The following STEAP3 variants were observed in gnomAD, a reference collection of about 807,000 sequenced individuals.
The protein encoded by STEAP3 is STEAP3 metalloreductase, also known as metalloreductase STEAP3.
In STEAP3, 35 loss-of-function variants were observed where a neutral mutation model predicts 34.9. The observed-to-expected ratio is 1.00, with a 90% confidence interval of 0.76 to 1.33. STEAP3 has a LOEUF of 1.33. STEAP3 is among the 40% of genes most tolerant of loss of function. The probability of loss-of-function intolerance (pLI) is 0.00; values close to 1 mark genes in which losing one functional copy is unlikely to be tolerated. For synonymous variants in STEAP3, 281 were observed against 301.6 expected, an observed-to-expected ratio of 0.93 and a Z score of 0.71; for missense variants, 652 against 667.6, an observed-to-expected ratio of 0.98 and a Z score of 0.26.
At chr2:119,225,082 C>T (rs965867198) in intron 1 of STEAP3, among the ~76,000 whole-genome samples, 2 of 152,204 alleles carry the variant, frequency 1.3e-5, no homozygotes, top group African/African-American at 4.8e-5. Context: ...AGAAGGTCCA[C>T]AAAACCAAAG....
At position 119,243,581 on chromosome 2, in the gene STEAP3, G is replaced by T. The variant is rs74784440; in HGVS notation, c.23-1908G>T. On this transcript the variant is annotated intron_variant, in intron 2 of 5. Transcript: ENST00000393110. ...CCAGAGGCCCATCACCCGAGGAAAG[G>T]CCTGACAGCAGCAATGGGTGTATGG... 5.6e-3 allele frequency among the ~76,000 whole-genome samples: 857 copies of T among 152,322 alleles called. 6 individuals carry two copies. The highest frequency in any genetic ancestry group is 0.019 in the African/African-American group (782 of 41,560).
intron 2 of STEAP3, among the ~76,000 whole-genome samples, chr2:119,231,864 G>T (rs1398519371): frequency 6.6e-6 from 1 of 152,160 alleles, no homozygotes; most frequent in East Asian, 1.9e-4. Context: ...GATGTGTGTG[G>T]CTATAAGTGA....
At chr2:119,239,004 A>G (rs765577703) in intron 2 of STEAP3, among the ~76,000 whole-genome samples, 7 of 152,114 alleles carry the variant, frequency 4.6e-5, no homozygotes, top group Non-Finnish European at 8.8e-5. Context: ...GCACATGAGA[A>G]AAAGACCACA....
At chr2:119,243,923 ACG>A (rs1677327137) in intron 2 of STEAP3, among the ~76,000 whole-genome samples, 1 of 152,162 alleles carries the variant, frequency 6.6e-6, no homozygotes, top group Non-Finnish European at 1.5e-5. Context: ...GAAGAGGCAG[ACG>A]CCCATGGAGG....
chr2:119,239,320 T>C (rs1413941239), intron 2 of STEAP3: 1 of 152,712 alleles, frequency 6.5e-6, no homozygotes, highest in Non-Finnish European at 1.5e-5. Context: ...CAGGCTGGAG[T>C]GCAGTGGCGC....
chr2:119,257,537 T>A, intron 5 of STEAP3: 1 of 1,544,496 alleles, frequency 6.5e-7, no homozygotes, highest in South Asian at 1.2e-5. Flanking sequence ...CCCACTTACC[T>A]GCCCCGCATC....
intron 5 of STEAP3, among the ~76,000 whole-genome samples, chr2:119,256,047 C>T (rs2104841754): frequency 6.6e-6 from 1 of 152,354 alleles, no homozygotes; most frequent in Admixed American, 6.5e-5. Flanking sequence ...CTGACTAATG[C>T]TGTATCCTGC....
intron 4 of STEAP3, among the ~76,000 whole-genome samples, chr2:119,249,788 A>G (rs534548472): frequency 6.6e-6 from 1 of 152,222 alleles, no homozygotes; most frequent in African/African-American, 2.4e-5. Context: ...AGATACCGGC[A>G]TCATTGCATC....
intron 2 of STEAP3, among the ~76,000 whole-genome samples, chr2:119,235,218 A>G (rs1317544204): frequency 1.3e-5 from 2 of 152,192 alleles, no homozygotes; most frequent in African/African-American, 4.8e-5. Context: ...ACAATGCCAC[A>G]ATGACTCTGA....
chr2:119,233,368 C>T (rs1677001601), intron 2 of STEAP3, among the ~76,000 whole-genome samples: 1 of 152,158 alleles, frequency 6.6e-6, no homozygotes, highest in African/African-American at 2.4e-5. Context: ...TGCATAAGTC[C>T]TCAGTGTTAC....
chr2:119,246,125 A>T, intron 3 of STEAP3, 137 bp downstream of exon 3: 1 of 1,226,344 alleles, frequency 8.2e-7, no homozygotes, highest in Non-Finnish European at 1.1e-6. Context: ...TTTACAGAAC[A>T]GGAAATTGTG....
chr2:119,238,608 C>G (rs956430968), intron 2 of STEAP3, among the ~76,000 whole-genome samples: 4 of 152,174 alleles, frequency 2.6e-5, no homozygotes, highest in African/African-American at 9.7e-5. Flanking sequence ...ATGCTGTGCT[C>G]TTTCGATTTC....
At chr2:119,248,234 T>C (rs1281241250) in intron 4 of STEAP3, 28 bp downstream of exon 4, 1 of 1,545,344 alleles carries the variant, frequency 6.5e-7, no homozygotes. Context: ...TTCCTCCCTC[T>C]GGCAACTCAG....
intron 2 of STEAP3, among the ~76,000 whole-genome samples, chr2:119,236,481 G>A (rs1349392751): frequency 6.6e-6 from 1 of 152,144 alleles, no homozygotes; most frequent in Non-Finnish European, 1.5e-5. Flanking sequence ...AATCCAGAGT[G>A]TTCTAACGTT....
chr2:119,227,527 C>T (rs969866447), intron 1 of STEAP3, among the ~76,000 whole-genome samples: 7 of 152,294 alleles, frequency 4.6e-5, no homozygotes, highest in South Asian at 4.1e-4. Flanking sequence ...CTGATTGTTC[C>T]GCAATCAGGC....
At chr2:119,248,356 C>T (rs911767218) in intron 4 of STEAP3, 150 bp downstream of exon 4, 4 of 848,350 alleles carry the variant, frequency 4.7e-6, no homozygotes, top group Admixed American at 3.0e-5. Context: ...GCAGCACCCA[C>T]ATCCTCCTGC....
intron 2 of STEAP3, chr2:119,244,824 G>A (rs1447663486): frequency 6.6e-6 from 1 of 152,272 alleles, no homozygotes; most frequent in Non-Finnish European, 1.5e-5. Flanking sequence ...TATCTTAGGG[G>A]CCCATTCACT....
intron 2 of STEAP3, 58 bp from the exon 3 acceptor site, chr2:119,245,431 T>G (rs1308214224): frequency 6.6e-7 from 1 of 1,518,572 alleles, no homozygotes; most frequent in Non-Finnish European, 8.8e-7. Flanking sequence ...AGGAGGGAGG[T>G]GGCAGAAGGG....
In STEAP3 at chr2:119,263,339, G is replaced by A. The variant is rs1678005535; in HGVS notation, c.*1G>A. On this transcript the variant is annotated 3_prime_UTR_variant, in exon 6 of 6. Transcript: ENST00000393110. Reference sequence around the variant, plus strand: ...GGCCGAGAAGACGAGCCACGTATGAGGTGCCTGCCCTGGGCTCTGGACCCC... The same window carrying A: ...GGCCGAGAAGACGAGCCACGTATGAAGTGCCTGCCCTGGGCTCTGGACCCC... The A allele has an allele frequency of 1.2e-6, 2 of 1,611,604 alleles. No individual in the cohort carries two copies. The highest frequency in any genetic ancestry group is 1.3e-5 in the African/African-American group (1 of 74,836).
Sources: allele counts gnomAD v4.1 joint callset (sites outside exome capture counted in the v4.1 genomes callset), GRCh38; gene constraint gnomAD v4.1.1; transcripts MANE v1.5; gene names NCBI Gene and HGNC (gene_info 2026-07-23, HGNC 2026-07-21).